Variants in ZNF630 observed in about 807,000 individuals in gnomAD.
ZNF630 encodes dJ54B20.2 (novel KRAB box containing C2H2 type zinc finger protein).
In ZNF630, 5 loss-of-function variants were observed where a neutral mutation model predicts 7.2. The observed-to-expected ratio is 0.70, with a 90% CI of 0.36 to 1.46. ZNF630 has a LOEUF of 1.46. ZNF630 is among the 40% of genes most tolerant of loss of function. The pLI, the probability that ZNF630 is intolerant of heterozygous loss-of-function variation, is 0.03. For missense variants in ZNF630, 461 were observed against 477.0 expected (o/e 0.97, Z 0.31); for synonymous variants, 158 against 162.8 (o/e 0.97, Z 0.23).
chrX:48,071,466 C>G lies in ZNF630; in HGVS notation c.-375G>C, dbSNP rs1339905631. On this transcript the variant is annotated 5_prime_UTR_variant, in exon 1 of 5. Transcript: ENST00000276054. ...GGCGTCATTCCGCCAGCGCCAGGAC[C>G]TCTGTCGCTGGCCGTGGTCTCGCAC... 4 of 111,760 alleles carry G rather than the reference C, an allele frequency of 3.6e-5. No individual in the cohort carries two copies. The highest frequency in any genetic ancestry group is 1.3e-4 in the African/African-American group (4 of 30,643). 9.2% of individuals were successfully genotyped at this position (111,760 alleles called of 1,213,427 possible).
In ZNF630 at chrX:48,059,877, A is replaced by G. The variant is rs1556908795; in HGVS notation, c.565T>C (p.Ser189Pro). 8.3e-7 allele frequency: 1 copy of G among 1,208,087 alleles called. No individual in the cohort carries two copies. Among genetic ancestry groups the G allele is most frequent in the Middle Eastern group, 2.3e-4 (1 of 4,349 alleles). The change falls in exon 5 of 5, where the codon TCA becomes CCA. Residue 189 changes from serine to proline, a missense_variant. By Grantham distance (74) the Ser-to-Pro change is moderately conservative. Coordinates refer to ENST00000276054, the MANE Select transcript of ZNF630 (RefSeq NM_001282201.2). ...DSCENSLKSN[S>P]DLLNYNRSYA... The stretch of plus-strand genomic sequence containing the variant: ...CTCCTGTTATAATTTAGTAAGTCTG[A>G]ATTAGACTTCAAGCTATTTTCACAT...
chrX:48,067,799 C>CA (rs1288611772), intron 1 of ZNF630, among the ~76,000 whole-genome samples: 1 of 110,768 alleles, frequency 9.0e-6, no homozygotes, highest in Non-Finnish European at 1.9e-5. Context: ...TGGCGGTGCA[C>CA]AGCTGTAAGC....
At chrX:48,065,849 C>G (rs1189442843) in intron 2 of ZNF630, among the ~76,000 whole-genome samples, 1 of 110,834 alleles carries the variant, frequency 9.0e-6, no homozygotes, top group African/African-American at 3.3e-5. Context: ...CTTATGAACA[C>G]AGTAGTATAA....
chrX:48,062,954 GAA>G (rs1249048721), intron 2 of ZNF630, among the ~76,000 whole-genome samples: 2 of 43,508 alleles, frequency 4.6e-5, no homozygotes, highest in Non-Finnish European at 9.7e-5. Flanking sequence ...AAGAAAGAAA[GAA>G]AGAGAGAGAG....
chrX:48,060,892 C>A lies in ZNF630; in HGVS notation c.69G>T (p.Gln23His). The change falls in exon 3 of 5, where the codon CAG (glutamine) becomes CAT (histidine). Residue 23 changes from glutamine (Q) to histidine (H), a missense_variant. Transcript: ENST00000276054. ...GGGTCTTCTGAGCAGGATTCAACTGCTGCCACTCTTCCTGCGTGAAGTCCA... is the reference window on the plus strand; with the variant it reads ...GGGTCTTCTGAGCAGGATTCAACTGATGCCACTCTTCCTGCGTGAAGTCCA... ...VAVDFTQEEWQQLNPAQKTLH... is the reference protein window; with the variant it reads ...VAVDFTQEEWHQLNPAQKTLH... 1 of 1,205,917 alleles carries A rather than the reference C, an allele frequency of 8.3e-7. No individual in the cohort carries two copies. Among genetic ancestry groups the A allele is most frequent in the Non-Finnish European group, 1.1e-6 (1 of 891,573 alleles).
chrX:48,068,375 A>G (rs144590198), intron 1 of ZNF630, among the ~76,000 whole-genome samples: 4,290 of 110,363 alleles, frequency 0.039, 84 homozygotes, highest in Middle Eastern at 0.074. Flanking sequence ...TTTTTCTGTA[A>G]AAGGGTCATA....
In ZNF630 at chrX:48,059,559, C is replaced by A. The variant is rs781949138; in HGVS notation, c.883G>T (p.Asp295Tyr). The change falls in exon 5 of 5, where the codon GAT (aspartate) becomes TAT (tyrosine). Residue 295 changes from aspartate (D) to tyrosine (Y), a missense_variant. Coordinates refer to ENST00000276054, the MANE Select transcript of ZNF630 (RefSeq NM_001282201.2). ...HTGEKPYVCG[D>Y]CRKAFSEKSH... ...TTCTCACTGAAGGCTTTCCTACAATCTCCACATACATATGGTTTCTCTCCA... is the reference window on the plus strand; with the variant it reads ...TTCTCACTGAAGGCTTTCCTACAATATCCACATACATATGGTTTCTCTCCA... 1.7e-6 allele frequency: 2 copies of A among 1,206,416 alleles called. No individual in the cohort carries two copies. The highest frequency in any genetic ancestry group is 2.2e-6 in the Non-Finnish European group (2 of 892,897).
In ZNF630 at chrX:48,058,526, T is replaced by G. The variant is rs375873120; in HGVS notation, c.1916A>C (p.His639Pro). The change falls in exon 5 of 5, where the codon CAT (histidine) becomes CCT (proline). Residue 639 changes from histidine (H) to proline (P), a missense_variant. Transcript: ENST00000276054. The part of the protein sequence containing the change: ...CSDCGKAFCQ[H>P]VYFTGHQNPY... ...ATTCTGATGCCCAGTAAAGTATACA[T>G]GCTGGCAGAATGCCTTCCCACAGTC... is the stretch of plus-strand genomic sequence containing the variant. The G allele has an allele frequency of 2.5e-6, 3 of 1,204,281 alleles. No individual in the cohort carries two copies. Among genetic ancestry groups the G allele is most frequent in the Non-Finnish European group, 3.4e-6 (3 of 891,823 alleles).
In ZNF630 at chrX:48,060,444, A is replaced by G; in HGVS notation, c.238+6T>C. ...CCGCTTGACCATGTACCCAATTCTC[A>G]CTTACCTGGGTAGATCCACCTTGAC... is the stretch of plus-strand genomic sequence containing the variant. On this transcript the variant is annotated splice_donor_region_variant and intron_variant, in intron 4 of 4. Transcript: ENST00000276054. The G allele has an allele frequency of 8.4e-7, 1 of 1,192,942 alleles. No individual in the cohort carries two copies. The highest frequency in any genetic ancestry group is 1.1e-6 in the Non-Finnish European group (1 of 882,719).
intron 1 of ZNF630, among the ~76,000 whole-genome samples, chrX:48,067,790 G>C (rs1254750436): frequency 9.0e-6 from 1 of 111,147 alleles, no homozygotes; most frequent in Non-Finnish European, 1.9e-5. Flanking sequence ...AGCCTGGCGT[G>C]GCGGTGCACA....
At chrX:48,062,937 T>C (rs1425600763) in intron 2 of ZNF630, among the ~76,000 whole-genome samples, 2 of 68,382 alleles carry the variant, frequency 2.9e-5, no homozygotes, top group Non-Finnish European at 5.0e-5. Flanking sequence ...TGAAACCCTG[T>C]CTCAAAAAGA....
At chrX:48,061,064 C>A (rs2059103474) in intron 2 of ZNF630, 119 bp from the exon 3 acceptor site, 2 of 590,672 alleles carry the variant, frequency 3.4e-6, no homozygotes, top group African/African-American at 4.5e-5. Flanking sequence ...CAATGTAAAA[C>A]CCTGCCATTA....
chrX:48,065,232 T>C (rs2059124507), intron 2 of ZNF630, among the ~76,000 whole-genome samples: 1 of 111,024 alleles, frequency 9.0e-6, no homozygotes, highest in Non-Finnish European at 1.9e-5. Flanking sequence ...CCGGGCGCAG[T>C]GGCTCATGCC....
chrX:48,062,956 AAG>A (rs781974474), intron 2 of ZNF630, among the ~76,000 whole-genome samples: 28 of 49,511 alleles, frequency 5.7e-4, no homozygotes, highest in South Asian at 4.7e-3. Flanking sequence ...GAAAGAAAGA[AAG>A]AGAGAGAGAG....
intron 2 of ZNF630, among the ~76,000 whole-genome samples, chrX:48,063,010 A>C (rs547643007): frequency 1.0e-3 from 108 of 106,650 alleles, no homozygotes; most frequent in Middle Eastern, 9.4e-3. Flanking sequence ...GGAAGGAAGG[A>C]AGGCAGGCAG....
intron 2 of ZNF630, chrX:48,066,641 A>C: frequency 2.5e-6 from 1 of 407,412 alleles, no homozygotes; most frequent in Non-Finnish European, 4.3e-6. Flanking sequence ...AAATCACATT[A>C]TTGATCATGT....
intron 1 of ZNF630, among the ~76,000 whole-genome samples, chrX:48,067,346 A>AT (rs2059135493): frequency 8.9e-6 from 1 of 112,397 alleles, no homozygotes; most frequent in Non-Finnish European, 1.9e-5. Flanking sequence ...ATTTGATAAC[A>AT]TTAAGGAATT....
intron 2 of ZNF630, among the ~76,000 whole-genome samples, chrX:48,061,988 G>A (rs1457136472): frequency 8.9e-6 from 1 of 111,804 alleles, no homozygotes; most frequent in Non-Finnish European, 1.9e-5. Flanking sequence ...TTTTAAACAT[G>A]TAAAAAGATG....
Position 48,058,522 on chromosome X carries a change from T to A in ZNF630, c.1920A>T (p.Val640=). 8.3e-7 allele frequency: 1 copy of A among 1,204,921 alleles called. No homozygotes were observed. The highest frequency in any genetic ancestry group is 1.1e-6 in the Non-Finnish European group (1 of 891,692). The change falls in exon 5 of 5, where the codon GTA becomes GTT. Residue 640 remains valine, a synonymous_variant. Transcript: ENST00000276054. ...SDCGKAFCQH[V]YFTGHQNPYR... ...ATGGATTCTGATGCCCAGTAAAGTA[T>A]ACATGCTGGCAGAATGCCTTCCCAC...
Sources: allele counts gnomAD v4.1 joint callset (sites outside exome capture counted in the v4.1 genomes callset), GRCh38; gene constraint gnomAD v4.1.1; transcripts MANE v1.5; gene names NCBI Gene and HGNC (gene_info 2026-07-23, HGNC 2026-07-21).